The following GTF3C1 variants were observed in gnomAD, a reference collection of about 807,000 sequenced individuals.
GTF3C1 encodes general transcription factor 3C polypeptide 1.
In GTF3C1, 57 loss-of-function variants were observed where a neutral mutation model predicts 226.7. The ratio of observed to expected loss-of-function variants is 0.25; its 90% CI spans 0.20 to 0.31. GTF3C1 has a LOEUF of 0.31. Ranked by LOEUF, GTF3C1 falls within the 10% of genes least tolerant of loss-of-function variation. The pLI is 1.00. For synonymous variants in GTF3C1, 1,090 were observed against 1,084.8 expected, an observed-to-expected ratio of 1.00 and a Z score of -0.09; for missense variants, 2,217 against 2,776.1, an observed-to-expected ratio of 0.80 and a Z score of 4.53.
At chr16:27,544,022 T>C (rs571860659) in intron 2 of GTF3C1, among the ~76,000 whole-genome samples, 1 of 152,020 alleles carries the variant, frequency 6.6e-6, no homozygotes, top group East Asian at 1.9e-4. Flanking sequence ...TTACAAGGGA[T>C]TTGAGGTCAA....
Position 27,525,191 on chromosome 16 carries a change from A to G in GTF3C1, c.973+3407T>C, listed in dbSNP as rs528332498. Reference sequence around the variant, plus strand: ...AGAAAAGAAAAGAAAGAAATAAAAGAAAAGAAAAGAAAAGATCAAATACTG... The same window carrying G: ...AGAAAAGAAAAGAAAGAAATAAAAGGAAAGAAAAGAAAAGATCAAATACTG... On this transcript the variant is annotated intron_variant, in intron 6 of 36. Transcript: ENST00000356183. 3.3e-5 allele frequency among the ~76,000 whole-genome samples: 5 copies of G among 152,058 alleles called. No homozygotes were observed. The South Asian group carries it at 1.0e-3, about 32-fold the overall frequency.
At chr16:27,513,065 T>C (rs763965305) in intron 6 of GTF3C1, among the ~76,000 whole-genome samples, 7 of 152,170 alleles carry the variant, frequency 4.6e-5, no homozygotes, top group Non-Finnish European at 8.8e-5. Context: ...AATTAAGGCA[T>C]TGTGGATTTT....
At chr16:27,489,200 G>C in intron 20 of GTF3C1, 22 bp from the exon 21 acceptor site, 1 of 1,612,726 alleles carries the variant, frequency 6.2e-7, no homozygotes, top group Non-Finnish European at 8.5e-7. Context: ...GAAATCAACA[G>C]AAAAGAGCCC....
chr16:27,462,299 G>T lies in GTF3C1; in HGVS notation c.6112C>A (p.Leu2038Ile), dbSNP rs960658205. 3 of 1,549,602 alleles carry T rather than the reference G, an allele frequency of 1.9e-6. No individual in the cohort carries two copies. The highest frequency in any genetic ancestry group is 1.7e-6 in the Non-Finnish European group (2 of 1,147,200). ...AACCCAGGAAGGCCCCACACCTGGA[G>T]CAACTCCAGCACGGCGACGGGCTGC... Reference protein sequence around the residue: ...VLQPVAVLELLQGLESLGCIR... With the variant: ...VLQPVAVLELIQGLESLGCIR... Residue 2038 changes from leucine to isoleucine, a missense_variant, in exon 36 of 37, where the codon CTC (leucine) becomes ATC (isoleucine). Coordinates refer to ENST00000356183, the MANE Select transcript of GTF3C1 (RefSeq NM_001520.4). The surrounding 1 kb of genome is among the most constrained non-coding windows in gnomAD (Gnocchi z 4.5).
In GTF3C1 at chr16:27,498,157, T is replaced by G. The variant is rs537353389; in HGVS notation, c.2166-336A>C. The stretch of plus-strand genomic sequence containing the variant: ...ACCAGCAACTGATTCAAAGTATGTG[T>G]GGCCAATACTTGGCAGATCCCACAA... On this transcript the variant is annotated intron_variant, in intron 13 of 36. Coordinates refer to ENST00000356183, the MANE Select transcript of GTF3C1 (RefSeq NM_001520.4). 9.8e-5 allele frequency among the ~76,000 whole-genome samples: 15 copies of G among 152,366 alleles called. 1 individual carries two copies. In the East Asian group the frequency reaches 2.3e-3, roughly 23 times the overall value.
At position 27,495,179 on chromosome 16, in the gene GTF3C1, C is replaced by T. The variant is rs930609504; in HGVS notation, c.2632+32G>A. 7.1e-6 allele frequency: 11 copies of T among 1,552,400 alleles called. No homozygotes were observed. In the African/African-American group the frequency reaches 1.1e-4, roughly 15 times the overall value. On this transcript the variant is annotated intron_variant, in intron 15 of 36. Transcript: ENST00000356183. ...TGGATCCTACTACTGGGCCTGCCCGCCCCAGGTGCAGGAGTGGCAGGGGCC... is the reference window on the plus strand; with the variant it reads ...TGGATCCTACTACTGGGCCTGCCCGTCCCAGGTGCAGGAGTGGCAGGGGCC...
intron 32 of GTF3C1, among the ~76,000 whole-genome samples, chr16:27,468,152 G>A (rs2087811714): frequency 6.6e-6 from 1 of 152,210 alleles, no homozygotes; most frequent in South Asian, 2.1e-4. Flanking sequence ...ACTAGAGGTA[G>A]AGTCTGAAGA....
intron 34 of GTF3C1, chr16:27,464,019 C>T: frequency 2.3e-6 from 1 of 437,306 alleles, no homozygotes. Context: ...AAGTTGAGAC[C>T]CCCATGCCAT....
At position 27,463,608 on chromosome 16, in the gene GTF3C1, G is replaced by C; in HGVS notation, c.5873-16C>G. ...TCTGTGAACCCTGAGGGAAGAGGAA[G>C]AGAATGTGAGAGACTCGGAAAGTCA... is the stretch of plus-strand genomic sequence containing the variant. On this transcript the variant is annotated splice_polypyrimidine_tract_variant and intron_variant, in intron 34 of 36. Transcript: ENST00000356183. The surrounding 1 kb of genome is among the most constrained non-coding windows in gnomAD (Gnocchi z 4.9). The C allele has an allele frequency of 6.6e-7, 1 of 1,509,196 alleles. No homozygotes were observed. Among genetic ancestry groups the C allele is most frequent in the Non-Finnish European group, 9.2e-7 (1 of 1,083,872 alleles). The allele number at this position is 1,509,196 out of a possible 1,614,324, so 93.5% of individuals were successfully genotyped here.
At chr16:27,497,914 T>C in intron 13 of GTF3C1, 93 bp from the exon 14 acceptor site, 4 of 1,046,022 alleles carry the variant, frequency 3.8e-6, no homozygotes, top group Non-Finnish European at 4.2e-6. Context: ...ATACAGCCTC[T>C]TGGCCTGGGG....
intron 6 of GTF3C1, among the ~76,000 whole-genome samples, chr16:27,519,109 G>A (rs956099828): frequency 1.3e-5 from 2 of 152,152 alleles, no homozygotes; most frequent in Non-Finnish European, 2.9e-5. Flanking sequence ...AGCAGAGAGA[G>A]GAGGTGGCAT....
intron 4 of GTF3C1, among the ~76,000 whole-genome samples, chr16:27,535,394 G>A (rs1042301825): frequency 1.3e-5 from 2 of 151,992 alleles, no homozygotes; most frequent in Non-Finnish European, 2.9e-5. Flanking sequence ...CCAACATGGT[G>A]AAACCCCATC....
chr16:27,549,855 A>G lies in GTF3C1; in HGVS notation c.36T>C (p.Ala12=), dbSNP rs925821246. 5 of 1,612,790 alleles carry G rather than the reference A, an allele frequency of 3.1e-6. No individual in the cohort carries two copies. Among genetic ancestry groups the G allele is most frequent in the African/African-American group, 2.7e-5 (2 of 74,934 alleles). Residue 12 remains alanine (A), a synonymous_variant, in exon 1 of 37, where the codon GCT becomes GCC. Coordinates refer to ENST00000356183, the MANE Select transcript of GTF3C1 (RefSeq NM_001520.4). Reference sequence around the variant, plus strand: ...GACACAGGCCATCGAGCCCCTCCAGAGCGACTTCGTCCAACAACGACTCCA... The same window carrying G: ...GACACAGGCCATCGAGCCCCTCCAGGGCGACTTCGTCCAACAACGACTCCA... The part of the protein sequence containing the change: ...DALESLLDEV[A]LEGLDGLCLP...
intron 2 of GTF3C1, among the ~76,000 whole-genome samples, chr16:27,544,847 G>T (rs1427544619): frequency 6.6e-6 from 1 of 152,212 alleles, no homozygotes; most frequent in African/African-American, 2.4e-5. Flanking sequence ...TGAAGAAGGC[G>T]AATGAAGGCC....
chr16:27,499,148 C>A (rs1033271920), intron 12 of GTF3C1, among the ~76,000 whole-genome samples: 11 of 152,236 alleles, frequency 7.2e-5, no homozygotes, highest in Non-Finnish European at 1.0e-4. Flanking sequence ...AAAAGGTAAG[C>A]AGCTTTCATT....
At chr16:27,511,979 C>A in intron 6 of GTF3C1, 78 bp from the exon 7 acceptor site, 1 of 1,494,418 alleles carries the variant, frequency 6.7e-7, no homozygotes, top group Non-Finnish European at 9.2e-7. Flanking sequence ...TCTGAAATAT[C>A]ACAGCACATG....
intron 14 of GTF3C1, 122 bp from the exon 15 acceptor site, chr16:27,495,614 A>G (rs2088304786): frequency 1.2e-6 from 1 of 849,854 alleles, no homozygotes; most frequent in African/African-American, 1.7e-5. Context: ...AAATATTCTT[A>G]CTGTCTTAGA....
At position 27,549,329 on chromosome 16, in the gene GTF3C1, A is replaced by G. The variant is rs186476690; in HGVS notation, c.221+341T>C. The stretch of plus-strand genomic sequence containing the variant: ...TCTCAGGAGTCTCCAGTCTGGCTCT[A>G]AAGTGTCTTTCCTGCTCTAATCCTA... On this transcript the variant is annotated intron_variant, in intron 1 of 36. Transcript: ENST00000356183. Among the ~76,000 whole-genome samples the G allele has an allele frequency of 1.8e-3, 278 of 152,296 alleles. 1 individual carries two copies. Among genetic ancestry groups the G allele is most frequent in the Non-Finnish European group, 3.4e-3 (229 of 68,006 alleles).
rs1475719651 is a variant in GTF3C1 at position 27,493,249 on chromosome 16, C to T, written c.2826G>A (p.Thr942=). The T allele has an allele frequency of 1.2e-5, 20 of 1,612,154 alleles. No homozygotes were observed. The highest frequency in any genetic ancestry group is 3.3e-4 in the Middle Eastern group (2 of 6,082). ...TGGGCCTGGGGAGAAAGCGGATCAG[C>T]GTGTGCTTCTTCAGCGGGTCGTTCA... ...EFLNDPLKKH[T]LIRFLPRPIR... The change falls in exon 17 of 37, where the codon ACG becomes ACA. Residue 942 remains threonine (T), a synonymous_variant. Transcript: ENST00000356183.
Sources: gnomAD v4.1 joint callset for allele counts (sites outside exome capture counted in the v4.1 genomes callset) on GRCh38, gnomAD v4.1.1 for gene constraint, Gnocchi (gnomAD v3.1) non-coding constraint, MANE v1.5 for transcripts, NCBI Gene and HGNC (gene_info 2026-07-23, HGNC 2026-07-21) for gene names.